The following NKIRAS1 variants were observed in gnomAD, a reference collection of about 807,000 sequenced individuals.
The protein encoded by NKIRAS1 is NF-kappa-B inhibitor-interacting Ras-like protein 1.
NKIRAS1 carries 16 observed loss-of-function variants against 19.8 expected under a neutral mutation model. The ratio of observed to expected loss-of-function variants is 0.81; its 90% CI spans 0.55 to 1.23. The LOEUF is 1.23. Among genes scored for constraint, NKIRAS1 ranks in the 50% most tolerant of loss-of-function variants. The probability of loss-of-function intolerance (pLI) is 0.00; values close to 1 mark genes in which losing one functional copy is unlikely to be tolerated. For missense variants in NKIRAS1, 184 were observed against 220.0 expected (o/e 0.84, Z 1.04); for synonymous variants, 88 against 79.0 (o/e 1.11, Z -0.61).
upstream of NKIRAS1, chr3:23,917,433 A>T (rs1704675546): frequency 6.5e-6 from 1 of 154,540 alleles, no homozygotes; most frequent in Non-Finnish European, 1.4e-5. Context: ...GCCCGGGACA[A>T]GGCAGCCTAA....
upstream of NKIRAS1, chr3:23,919,173 T>G (rs1161021581): frequency 1.3e-6 from 2 of 1,558,680 alleles, no homozygotes; most frequent in Non-Finnish European, 1.8e-6. Flanking sequence ...GAGATTGACC[T>G]TGGGCCTTTT....
chr3:23,907,113 T>G lies in NKIRAS1; in HGVS notation c.94+3698A>C, dbSNP rs748869538. Among the ~76,000 whole-genome samples, 46 of 152,120 alleles carry G rather than the reference T, an allele frequency of 3.0e-4. 1 individual carries two copies. The highest frequency in any genetic ancestry group is 1.0e-3 in the South Asian group (5 of 4,826). On this transcript the variant is annotated intron_variant, in intron 3 of 4. Transcript: ENST00000425478. ...TTCGCCATGTTGGCCATGCTGGTCTTGAACTCCTGACTTCAAGTGATCCGC... is the reference window on the plus strand; with the variant it reads ...TTCGCCATGTTGGCCATGCTGGTCTGGAACTCCTGACTTCAAGTGATCCGC...
intron 4 of NKIRAS1, among the ~76,000 whole-genome samples, chr3:23,896,813 TAAA>T: frequency 7.3e-6 from 1 of 137,548 alleles, no homozygotes; most frequent in Admixed American, 7.3e-5. Context: ...TCTCTACAAT[TAAA>T]AAAAAAAAAA....
At chr3:23,913,249 G>A (rs901773398) in intron 1 of NKIRAS1, among the ~76,000 whole-genome samples, 1 of 152,070 alleles carries the variant, frequency 6.6e-6, no homozygotes, top group Non-Finnish European at 1.5e-5. Flanking sequence ...TTCATCATGG[G>A]CAAACGGTAA....
At chr3:23,916,734 G>GGAGACGCA (rs1171164475) in intron 1 of NKIRAS1, 50 bp downstream of exon 1, 1 of 152,766 alleles carries the variant, frequency 6.5e-6, no homozygotes, top group Non-Finnish European at 1.5e-5. Flanking sequence ...GCGGAGACGC[G>GGAGACGCA]GAGACGCAGA....
At chr3:23,931,638 T>C (rs1198571450) in intron 1 of NKIRAS1, among the ~76,000 whole-genome samples, 1 of 152,144 alleles carries the variant, frequency 6.6e-6, no homozygotes, top group African/African-American at 2.4e-5. Flanking sequence ...AATGCATTCA[T>C]TTTCTGTTTG....
chr3:23,918,426 G>A (rs748391135), upstream of NKIRAS1: 3 of 1,610,680 alleles, frequency 1.9e-6, no homozygotes, highest in East Asian at 6.7e-5. Context: ...AATTTCGTGT[G>A]TGTTTGTGTG....
In NKIRAS1 at chr3:23,900,917, AAAT is replaced by A; in HGVS notation, c.224_226del (p.Tyr75del). 6.2e-7 allele frequency: 1 copy of A among 1,614,194 alleles called. No individual in the cohort carries two copies. The highest frequency in any genetic ancestry group is 8.5e-7 in the Non-Finnish European group (1 of 1,180,022). ...AAGAACGAAGCCATCAGCAAATGAA[AAAT>A]AATGCTTTGGCAGCTCCACGCCTTC... On this transcript the variant is annotated inframe_deletion, in exon 4 of 5. Coordinates refer to ENST00000425478, the MANE Select transcript of NKIRAS1 (RefSeq NM_020345.4).
Position 23,890,730 on chromosome 3 carries a change from AGTC to A in NKIRAS1, c.*2362_*2364del. ...GGTATTTCTATAACAGATATTATTC[AGTC>A]TTATTTCCTAAGATTTTGTTGTAAC... On this transcript the variant is annotated 3_prime_UTR_variant, in exon 5 of 5. Transcript: ENST00000425478. 1 of 811,084 alleles carries A rather than the reference AGTC, an allele frequency of 1.2e-6. No homozygotes were observed. The highest frequency in any genetic ancestry group is 3.0e-5 in the South Asian group (1 of 33,032). The allele number at this position is 811,084 out of a possible 1,614,324, so 50.2% of individuals were successfully genotyped here.
At chr3:23,897,647 G>A (rs1018175991) in intron 4 of NKIRAS1, among the ~76,000 whole-genome samples, 10 of 152,140 alleles carry the variant, frequency 6.6e-5, no homozygotes, top group Non-Finnish European at 1.2e-4. Context: ...CTCGGTACTA[G>A]CTATTCCCTC....
At chr3:23,945,759 G>GCCGCCCGGCGC (rs1705656825) in intron 1 of NKIRAS1, among the ~76,000 whole-genome samples, 1 of 150,310 alleles carries the variant, frequency 6.7e-6, no homozygotes, top group Non-Finnish European at 1.5e-5. Context: ...CGCCCCCCGG[G>GCCGCCCGGCGC]CCGCCCGGCG....
At chr3:23,946,003 G>C (rs1010977823) in intron 1 of NKIRAS1, 28 of 668,256 alleles carry the variant, frequency 4.2e-5, no homozygotes, top group Admixed American at 6.3e-5. Flanking sequence ...CACATTCCCC[G>C]GGGCCGCAGG....
intron 1 of NKIRAS1, among the ~76,000 whole-genome samples, chr3:23,933,580 A>G (rs1330583590): frequency 6.6e-6 from 1 of 152,190 alleles, no homozygotes; most frequent in Non-Finnish European, 1.5e-5. Context: ...TATATCACAT[A>G]TGGGGTTTGG....
upstream of NKIRAS1, chr3:23,917,711 G>C (rs1320125542): frequency 1.2e-6 from 1 of 822,280 alleles, no homozygotes; most frequent in Non-Finnish European, 1.9e-6. Flanking sequence ...GGTTGGGCTA[G>C]CTGTCCCCGG....
chr3:23,893,591 G>T (rs1354477179), intron 4 of NKIRAS1, among the ~76,000 whole-genome samples: 1 of 151,996 alleles, frequency 6.6e-6, no homozygotes, highest in Admixed American at 6.6e-5. Context: ...TGGATCTCTT[G>T]AGGTCAGGAG....
chr3:23,902,520 G>A (rs977733022), intron 3 of NKIRAS1, among the ~76,000 whole-genome samples: 1 of 152,152 alleles, frequency 6.6e-6, no homozygotes, highest in Non-Finnish European at 1.5e-5. Context: ...ATTGGGCTTT[G>A]ATTACAAATT....
intron 3 of NKIRAS1, among the ~76,000 whole-genome samples, chr3:23,902,983 G>A (rs1014840537): frequency 3.3e-5 from 5 of 152,134 alleles, no homozygotes; most frequent in Admixed American, 2.0e-4. Context: ...TCTGGCCAAC[G>A]GAAAAGGAAA....
At chr3:23,900,780 A>G in intron 4 of NKIRAS1, 28 bp downstream of exon 4, 1 of 1,588,246 alleles carries the variant, frequency 6.3e-7, no homozygotes, top group Non-Finnish European at 8.6e-7. Flanking sequence ...TATAATTCAC[A>G]TTTGGCATTT....
intron 1 of NKIRAS1, among the ~76,000 whole-genome samples, chr3:23,913,953 AAGCAGTAGTTAC>A (rs1704030424): frequency 6.6e-6 from 1 of 152,210 alleles, no homozygotes; most frequent in Non-Finnish European, 1.5e-5. Context: ...TGAACACAAA[AAGCAGTAGTTAC>A]AGCTACTTGT....
Sources: gnomAD v4.1 joint callset for allele counts (sites outside exome capture counted in the v4.1 genomes callset) on GRCh38, gnomAD v4.1.1 for gene constraint, MANE v1.5 for transcripts, NCBI Gene and HGNC (gene_info 2026-07-23, HGNC 2026-07-21) for gene names.